GRIK1: variants seen among roughly 807,000 people sequenced by gnomAD.
GRIK1 encodes the protein glutamate ionotropic receptor kainate type subunit 1.
Under a neutral mutation model 105.7 loss-of-function variants are expected in GRIK1, and 69 were observed. The ratio of observed to expected loss-of-function variants is 0.65; its 90% CI spans 0.54 to 0.80. GRIK1 has a LOEUF of 0.80. Among genes scored for constraint, GRIK1 ranks in the 30% least tolerant of loss-of-function variants. GRIK1 has a pLI of 0.00. For synonymous variants in GRIK1, 438 were observed against 431.3 expected (o/e 1.02, Z -0.19); for missense variants, 1,109 against 1,167.3 (o/e 0.95, Z 0.73).
intron 1 of GRIK1, among the ~76,000 whole-genome samples, chr21:29,805,104 C>A (rs1216465391): frequency 6.6e-6 from 1 of 152,044 alleles, no homozygotes; most frequent in Non-Finnish European, 1.5e-5. Context: ...TCATGGGAAG[C>A]TAAGCCCACT....
intron 1 of GRIK1, among the ~76,000 whole-genome samples, chr21:29,840,359 C>T (rs955825053): frequency 6.6e-6 from 1 of 152,064 alleles, no homozygotes; most frequent in African/African-American, 2.4e-5. Flanking sequence ...CACCATTTGC[C>T]ATTTCATATT....
At chr21:29,612,345 T>C (rs1385337196) in intron 7 of GRIK1, among the ~76,000 whole-genome samples, 1 of 152,164 alleles carries the variant, frequency 6.6e-6, no homozygotes, top group Non-Finnish European at 1.5e-5. Flanking sequence ...TTTTACCTTC[T>C]AGGATTTCTG....
chr21:29,795,674 A>G (rs957808553), intron 1 of GRIK1, among the ~76,000 whole-genome samples: 2 of 152,134 alleles, frequency 1.3e-5, no homozygotes, highest in Non-Finnish European at 2.9e-5. Flanking sequence ...TTTCCCGAAT[A>G]CTCTTTATCC....
At chr21:29,924,253 C>T (rs894935841) in intron 1 of GRIK1, among the ~76,000 whole-genome samples, 1 of 150,990 alleles carries the variant, frequency 6.6e-6, no homozygotes, top group African/African-American at 2.4e-5. Context: ...CAGAGAATTG[C>T]TTGAACCCGG....
intron 1 of GRIK1, among the ~76,000 whole-genome samples, chr21:29,847,250 A>G (rs1431761827): frequency 6.6e-6 from 1 of 151,732 alleles, no homozygotes; most frequent in Admixed American, 6.6e-5. Flanking sequence ...CTCTCCTGCC[A>G]TCTTCTATTT....
chr21:29,651,067 C>G, intron 6 of GRIK1, 51 bp downstream of exon 6: 1 of 1,384,400 alleles, frequency 7.2e-7, no homozygotes, highest in Non-Finnish European at 1.0e-6. Context: ...GATCTTAACC[C>G]CGAAGGCATT....
At chr21:29,595,627 C>A (rs1269457255) in intron 9 of GRIK1, among the ~76,000 whole-genome samples, 1 of 151,968 alleles carries the variant, frequency 6.6e-6, no homozygotes, top group African/African-American at 2.4e-5. Flanking sequence ...GTGAACCTGA[C>A]AAAACTGTTC....
intron 1 of GRIK1, among the ~76,000 whole-genome samples, chr21:29,901,313 G>C (rs1386980657): frequency 6.6e-6 from 1 of 152,024 alleles, no homozygotes; most frequent in African/African-American, 2.4e-5. Flanking sequence ...AGAACTGAAG[G>C]ACATAGAGAC....
chr21:29,648,310 T>C (rs377543785), intron 6 of GRIK1, among the ~76,000 whole-genome samples: 1 of 152,196 alleles, frequency 6.6e-6, no homozygotes, highest in Non-Finnish European at 1.5e-5. Flanking sequence ...AGTAGTAGCA[T>C]TATTTAAATA....
At chr21:29,710,801 TTC>T in intron 1 of GRIK1, among the ~76,000 whole-genome samples, 1 of 67,734 alleles carries the variant, frequency 1.5e-5, no homozygotes, top group Non-Finnish European at 2.4e-5. Context: ...CCTTCCTTCC[TTC>T]CTTCCTTCCT....
At chr21:29,788,487 A>T (rs1411023503) in intron 1 of GRIK1, among the ~76,000 whole-genome samples, 1 of 152,168 alleles carries the variant, frequency 6.6e-6, no homozygotes, top group Non-Finnish European at 1.5e-5. Flanking sequence ...GTCAGATCAC[A>T]TGGTGTCTTA....
chr21:29,675,105 T>G (rs1318928768), intron 3 of GRIK1, among the ~76,000 whole-genome samples: 2 of 152,244 alleles, frequency 1.3e-5, no homozygotes, highest in Non-Finnish European at 2.9e-5. Flanking sequence ...TTACTATTAT[T>G]ATTTAAATGA....
At chr21:29,614,402 C>CTTTT (rs35063316) in intron 7 of GRIK1, among the ~76,000 whole-genome samples, 8 of 83,068 alleles carry the variant, frequency 9.6e-5, no homozygotes, top group African/African-American at 1.5e-4. Flanking sequence ...TAAAATCCCT[C>CTTTT]TTTTTTTTTT....
At chr21:29,751,940 G>A (rs369821269) in intron 1 of GRIK1, among the ~76,000 whole-genome samples, 5 of 152,198 alleles carry the variant, frequency 3.3e-5, no homozygotes, top group East Asian at 3.8e-4. Context: ...GGACATGTGC[G>A]CATGGCAGTG....
chr21:29,597,462 G>A (rs2061436956), intron 8 of GRIK1: 1 of 252,044 alleles, frequency 4.0e-6, no homozygotes, highest in East Asian at 9.0e-5. Context: ...TACATAAGAG[G>A]AGAACAGAGT....
chr21:29,924,068 G>A (rs545221302), intron 1 of GRIK1, among the ~76,000 whole-genome samples: 39 of 152,194 alleles, frequency 2.6e-4, no homozygotes, highest in Non-Finnish European at 4.3e-4. Flanking sequence ...GGCCGGGCGC[G>A]GTGGCTCATG....
intron 16 of GRIK1, chr21:29,553,547 T>TA: frequency 2.0e-6 from 3 of 1,484,110 alleles, no homozygotes; most frequent in South Asian, 1.3e-5. Context: ...TTTTTTTTTT[T>TA]AAACTGATTA....
intron 1 of GRIK1, among the ~76,000 whole-genome samples, chr21:29,733,338 A>G (rs1408158991): frequency 1.3e-5 from 2 of 152,170 alleles, no homozygotes; most frequent in Non-Finnish European, 2.9e-5. Context: ...ATAATAAAAT[A>G]CACAATGCTA....
At chr21:29,874,519 A>G (rs1227674248) in intron 1 of GRIK1, among the ~76,000 whole-genome samples, 3 of 152,192 alleles carry the variant, frequency 2.0e-5, no homozygotes, top group African/African-American at 7.2e-5. Flanking sequence ...GAGGCTATAA[A>G]TACAGATGAA....
Sources: allele counts gnomAD v4.1 joint callset (sites outside exome capture counted in the v4.1 genomes callset), GRCh38; gene constraint gnomAD v4.1.1; transcripts MANE v1.5; gene names NCBI Gene and HGNC (gene_info 2026-07-23, HGNC 2026-07-21).